The following PPP2R2B variants were observed in gnomAD, a reference collection of about 807,000 sequenced individuals.
The protein encoded by PPP2R2B is protein phosphatase 2 regulatory subunit Bbeta.
Under a neutral mutation model 46.0 loss-of-function variants are expected in PPP2R2B, and 5 were observed. That is an observed-to-expected ratio of 0.11 (90% CI 0.06 to 0.23). PPP2R2B has a LOEUF of 0.23. Among genes scored for constraint, PPP2R2B ranks in the 10% least tolerant of loss-of-function variants. PPP2R2B has a pLI of 1.00. For missense variants in PPP2R2B, 367 were observed against 575.0 expected (o/e 0.64, Z 3.70); for synonymous variants, 215 against 206.7 (o/e 1.04, Z -0.34).
chr5:146,813,406 CT>C (rs1757747231), intron 2 of PPP2R2B, among the ~76,000 whole-genome samples: 1 of 152,082 alleles, frequency 6.6e-6, no homozygotes. Flanking sequence ...GCACAGTTAC[CT>C]ATAAACTTTG....
At position 146,735,782 on chromosome 5, in the gene PPP2R2B, T is replaced by C. The variant is rs142032852; in HGVS notation, c.71-34640A>G. ...CAAGACTCACACCCACATTCAGAGA[T>C]ATAGCAGCAGGATCCTACCTGATGA... On this transcript the variant is annotated intron_variant, in intron 2 of 9. Transcript: ENST00000394411. 1.0e-3 allele frequency among the ~76,000 whole-genome samples: 154 copies of C among 152,282 alleles called. 1 individual carries two copies. The highest frequency in any genetic ancestry group is 3.6e-3 in the African/African-American group (151 of 41,552).
intron 2 of PPP2R2B, chr5:146,751,259 C>T (rs193060062): frequency 1.3e-5 from 2 of 152,362 alleles, no homozygotes; most frequent in East Asian, 3.9e-4. Context: ...CAGTGCAGAG[C>T]TCTACTTCCG....
intron 1 of PPP2R2B, among the ~76,000 whole-genome samples, chr5:146,895,109 C>T (rs1241065725): frequency 6.6e-6 from 1 of 152,180 alleles, no homozygotes; most frequent in African/African-American, 2.4e-5. Context: ...CTGCCTTTGT[C>T]CTCTATGTCA....
At chr5:146,659,605 G>A (rs1272485605) in intron 5 of PPP2R2B, among the ~76,000 whole-genome samples, 20 of 152,318 alleles carry the variant, frequency 1.3e-4, no homozygotes, top group African/African-American at 4.8e-4. Flanking sequence ...ATGGAGACAT[G>A]ATTTGTGCCA....
At chr5:146,951,378 A>G (rs759255590) in intron 1 of PPP2R2B, among the ~76,000 whole-genome samples, 5 of 151,598 alleles carry the variant, frequency 3.3e-5, no homozygotes, top group Non-Finnish European at 5.9e-5. Context: ...GTTCCAGTGT[A>G]TATGTGCAGG....
intron 1 of PPP2R2B, among the ~76,000 whole-genome samples, chr5:147,016,366 G>A (rs1340857527): frequency 6.6e-6 from 1 of 151,040 alleles, no homozygotes; most frequent in Non-Finnish European, 1.5e-5. Flanking sequence ...GTTTTGGGGG[G>A]GACAATCATC....
At chr5:146,788,423 T>A (rs543476030) in intron 2 of PPP2R2B, among the ~76,000 whole-genome samples, 5 of 151,710 alleles carry the variant, frequency 3.3e-5, no homozygotes, top group Non-Finnish European at 7.4e-5. Flanking sequence ...ATTAAGTAAT[T>A]TGGAAAATTA....
intron 2 of PPP2R2B, among the ~76,000 whole-genome samples, chr5:146,764,225 G>T (rs1287904871): frequency 6.6e-6 from 1 of 152,046 alleles, no homozygotes; most frequent in Non-Finnish European, 1.5e-5. Flanking sequence ...TGAGTCTGGA[G>T]GGGGGTGGGC....
chr5:147,043,886 C>T (rs575069828), intron 1 of PPP2R2B, among the ~76,000 whole-genome samples: 2 of 152,194 alleles, frequency 1.3e-5, no homozygotes, highest in South Asian at 2.1e-4. Flanking sequence ...AGCGGGAGAA[C>T]AGAGGTGTGG....
chr5:146,664,598 A>G (rs462510), intron 5 of PPP2R2B, among the ~76,000 whole-genome samples: 115,165 of 151,694 alleles, frequency 0.76, 45,122 homozygotes, highest in Non-Finnish European at 0.86. Context: ...CATCTACGAG[A>G]GTTGGAATCA....
At chr5:146,835,274 G>A (rs1311044988) in intron 2 of PPP2R2B, among the ~76,000 whole-genome samples, 1 of 151,764 alleles carries the variant, frequency 6.6e-6, no homozygotes, top group Non-Finnish European at 1.5e-5. Context: ...TATTTTGAGG[G>A]AAAATATTAA....
chr5:146,866,286 T>C (rs912122375), intron 2 of PPP2R2B, among the ~76,000 whole-genome samples: 1 of 152,216 alleles, frequency 6.6e-6, no homozygotes, highest in African/African-American at 2.4e-5. Context: ...TCCAATAACT[T>C]TGTACAGAAA....
intron 5 of PPP2R2B, among the ~76,000 whole-genome samples, chr5:146,685,037 C>T (rs1056505298): frequency 1.3e-5 from 2 of 152,184 alleles, no homozygotes; most frequent in African/African-American, 4.8e-5. Flanking sequence ...GAGTGTGTTT[C>T]ATTCATCTTT....
In PPP2R2B at chr5:147,054,906, A is replaced by T. The variant is rs536083389; in HGVS notation, c.79+759T>A. ...GGCACATCACATATAGAAGGTATAC[A>T]ACCAGCTTCTGACTATAGAAATGTG... On this transcript the variant is annotated intron_variant, in intron 1 of 8. Transcript: ENST00000336640. Among the ~76,000 whole-genome samples, 14 of 152,346 alleles carry T rather than the reference A, an allele frequency of 9.2e-5. No individual in the cohort carries two copies. The South Asian group carries it at 2.9e-3, about 32-fold the overall frequency.
intron 1 of PPP2R2B, among the ~76,000 whole-genome samples, chr5:146,983,244 A>G (rs934668807): frequency 3.9e-5 from 5 of 129,094 alleles, no homozygotes; most frequent in Admixed American, 9.8e-5. Flanking sequence ...GCAGTGGCAC[A>G]ATCTCGGCTC....
intron 1 of PPP2R2B, among the ~76,000 whole-genome samples, chr5:147,019,637 TG>T (rs1327709122): frequency 6.6e-6 from 1 of 152,184 alleles, no homozygotes. Context: ...AAAGAGGATA[TG>T]TTAAAAGCAC....
chr5:147,039,126 T>G (rs377510314), intron 1 of PPP2R2B, among the ~76,000 whole-genome samples: 133 of 152,308 alleles, frequency 8.7e-4, no homozygotes, highest in Middle Eastern at 6.8e-3. Flanking sequence ...TTCGCATTGC[T>G]GACCCTTTCC....
chr5:146,671,203 T>C lies in PPP2R2B; in HGVS notation c.447+19925A>G, dbSNP rs80193182. On this transcript the variant is annotated intron_variant, in intron 5 of 9. Coordinates refer to ENST00000394411, the MANE Select transcript of PPP2R2B (RefSeq NM_181675.4). ...ATATCCTAGACTTTGGGAAACACAATGATATACACCAAGGTAGTATGTTAG... is the reference window on the plus strand; with the variant it reads ...ATATCCTAGACTTTGGGAAACACAACGATATACACCAAGGTAGTATGTTAG... 7.4e-4 allele frequency among the ~76,000 whole-genome samples: 113 copies of C among 152,292 alleles called. 1 individual carries two copies. The East Asian group carries it at 0.018, about 24-fold the overall frequency.
Position 146,681,511 on chromosome 5 carries a change from C to T in PPP2R2B, c.447+9617G>A, listed in dbSNP as rs114715000. 4.4e-3 allele frequency among the ~76,000 whole-genome samples: 665 copies of T among 152,228 alleles called. 6 individuals are homozygous for T. The highest frequency in any genetic ancestry group is 0.015 in the African/African-American group (634 of 41,520). ...TGTGGGCTGAATGTCTTTCCCATTA[C>T]GCTTATAATTCAGATAATTTCATCT... is the stretch of plus-strand genomic sequence containing the variant. On this transcript the variant is annotated intron_variant, in intron 5 of 9. Transcript: ENST00000394411.
Sources: gnomAD v4.1 joint callset for allele counts (sites outside exome capture counted in the v4.1 genomes callset) on GRCh38, gnomAD v4.1.1 for gene constraint, MANE v1.5 for transcripts, NCBI Gene and HGNC (gene_info 2026-07-23, HGNC 2026-07-21) for gene names.